Variants in GATB observed in about 807,000 individuals in gnomAD.
GATB encodes glutamyl-tRNA(Gln) amidotransferase subunit B, mitochondrial.
GATB carries 39 observed loss-of-function variants against 62.3 expected under a neutral mutation model. The ratio of observed to expected loss-of-function variants is 0.63; its 90% CI spans 0.48 to 0.82. The LOEUF (loss-of-function observed/expected upper bound fraction) is 0.82, where lower values mean the gene tolerates loss of function less well. GATB is among the 40% of genes least tolerant of loss of function. GATB has a pLI of 0.00. For missense variants in GATB, 670 were observed against 684.0 expected, an observed-to-expected ratio of 0.98 and a Z score of 0.23; for synonymous variants, 276 against 258.9, an observed-to-expected ratio of 1.07 and a Z score of -0.63.
chr4:151,726,810 G>A (rs913732621), intron 2 of GATB, among the ~76,000 whole-genome samples: 2 of 152,166 alleles, frequency 1.3e-5, no homozygotes, highest in Admixed American at 6.5e-5. Flanking sequence ...TTTCTCATCT[G>A]GGATTCCATC....
chr4:151,732,863 G>T (rs371423103), intron 2 of GATB, among the ~76,000 whole-genome samples: 13 of 150,190 alleles, frequency 8.7e-5, no homozygotes, highest in African/African-American at 2.9e-4. Flanking sequence ...GAAATAAAAA[G>T]ATAAATATTA....
chr4:151,713,060 G>T (rs2126975682), intron 5 of GATB, among the ~76,000 whole-genome samples: 1 of 152,186 alleles, frequency 6.6e-6, no homozygotes, highest in African/African-American at 2.4e-5. Context: ...TCTCATAGGA[G>T]CACGAACCCT....
chr4:151,729,895 G>T (rs1739209967), intron 2 of GATB, among the ~76,000 whole-genome samples: 1 of 152,202 alleles, frequency 6.6e-6, no homozygotes, highest in Admixed American at 6.5e-5. Flanking sequence ...CTAGATTGCA[G>T]CTCCAGACAG....
intron 2 of GATB, among the ~76,000 whole-genome samples, chr4:151,747,340 G>A (rs1434044239): frequency 6.6e-6 from 1 of 152,220 alleles, no homozygotes; most frequent in Non-Finnish European, 1.5e-5. Context: ...TGGAGGGGTT[G>A]CTGTGGAGGA....
At chr4:151,746,872 T>C (rs868460746) in intron 2 of GATB, among the ~76,000 whole-genome samples, 1 of 152,002 alleles carries the variant, frequency 6.6e-6, no homozygotes, top group South Asian at 2.1e-4. Flanking sequence ...TATATATACA[T>C]ATAAATTTAC....
intron 9 of GATB, 36 bp downstream of exon 9, chr4:151,701,293 G>A (rs1476419954): frequency 6.8e-7 from 1 of 1,473,778 alleles, no homozygotes; most frequent in Non-Finnish European, 9.1e-7. Context: ...CCCATCTGCT[G>A]AGCCGGGATC....
intron 2 of GATB, among the ~76,000 whole-genome samples, chr4:151,747,330 T>A (rs937902880): frequency 6.6e-6 from 1 of 152,116 alleles, no homozygotes; most frequent in Non-Finnish European, 1.5e-5. Flanking sequence ...TGCCACCAAC[T>A]GGAGGGGTTG....
intron 9 of GATB, among the ~76,000 whole-genome samples, chr4:151,695,025 G>T (rs1407040591): frequency 6.6e-6 from 1 of 152,226 alleles, no homozygotes; most frequent in Non-Finnish European, 1.5e-5. Context: ...TAAGATGACA[G>T]ATCCTGAGGC....
intron 2 of GATB, among the ~76,000 whole-genome samples, chr4:151,732,054 TG>T (rs370880235): frequency 0.48 from 37,173 of 77,080 alleles, 9,462 homozygotes; most frequent in African/African-American, 0.71. Flanking sequence ...GGGAGGGAGG[TG>T]GGGGGGTCAG....
intron 2 of GATB, among the ~76,000 whole-genome samples, chr4:151,753,684 T>C (rs928766582): frequency 6.6e-6 from 1 of 152,224 alleles, no homozygotes; most frequent in African/African-American, 2.4e-5. Flanking sequence ...TTTTGTTTTA[T>C]TGCAGTAAGA....
At chr4:151,749,683 A>G (rs1279847724) in intron 2 of GATB, among the ~76,000 whole-genome samples, 2 of 152,062 alleles carry the variant, frequency 1.3e-5, no homozygotes, top group East Asian at 3.9e-4. Flanking sequence ...AAAATCAGAG[A>G]GGTGTTTCCT....
chr4:151,743,248 G>A (rs1739531158), intron 2 of GATB, among the ~76,000 whole-genome samples: 1 of 152,166 alleles, frequency 6.6e-6, no homozygotes, highest in Non-Finnish European at 1.5e-5. Flanking sequence ...GGTGAGTCTG[G>A]GGAAATCCGA....
intron 5 of GATB, among the ~76,000 whole-genome samples, chr4:151,712,228 C>G (rs990791237): frequency 1.2e-4 from 18 of 152,190 alleles, no homozygotes; most frequent in African/African-American, 4.1e-4. Flanking sequence ...AGCCTGGATT[C>G]AAATGCAGTA....
chr4:151,725,470 C>T (rs542611360), intron 2 of GATB, among the ~76,000 whole-genome samples: 1 of 152,342 alleles, frequency 6.6e-6, no homozygotes, highest in East Asian at 1.9e-4. Flanking sequence ...TTCAAAAAAA[C>T]AATGCCACTC....
chr4:151,734,666 C>T (rs528926620), intron 2 of GATB, among the ~76,000 whole-genome samples: 56 of 152,228 alleles, frequency 3.7e-4, no homozygotes, highest in Middle Eastern at 3.4e-3. Context: ...AGGCATCACA[C>T]TACCTGATTT....
chr4:151,673,141 G>C (rs1289802241), intron 11 of GATB: 1 of 452,364 alleles, frequency 2.2e-6, no homozygotes, highest in Non-Finnish European at 4.0e-6. Flanking sequence ...ATGCACCTGG[G>C]GTCTCCTCCT....
chr4:151,705,142 C>A, intron 7 of GATB, 43 bp downstream of exon 7: 1 of 1,417,282 alleles, frequency 7.1e-7, no homozygotes, highest in Admixed American at 1.7e-5. Flanking sequence ...CCCTCTCGCA[C>A]CACCCCCGGC....
At chr4:151,673,027 C>G in intron 11 of GATB, 131 bp from the exon 12 acceptor site, 2 of 1,186,260 alleles carry the variant, frequency 1.7e-6, no homozygotes, top group South Asian at 1.6e-5. Flanking sequence ...CTGCCTGGGC[C>G]TGGCCCAAAG....
At chr4:151,674,125 A>T (rs923863106) in intron 11 of GATB, 1 of 152,222 alleles carries the variant, frequency 6.6e-6, no homozygotes. Context: ...AGCTCCCTAC[A>T]GGGCACCCCT....
Sources: gnomAD v4.1 joint callset for allele counts (sites outside exome capture counted in the v4.1 genomes callset) on GRCh38, gnomAD v4.1.1 for gene constraint, MANE v1.5 for transcripts, NCBI Gene and HGNC (gene_info 2026-07-23, HGNC 2026-07-21) for gene names.